PRKD2: variants seen among roughly 807,000 people sequenced by gnomAD.
The protein encoded by PRKD2 is serine/threonine-protein kinase D2.
Under a neutral mutation model 86.0 loss-of-function variants are expected in PRKD2, and 22 were observed. That is an observed-to-expected ratio of 0.26 (90% CI 0.18 to 0.37). The LOEUF (loss-of-function observed/expected upper bound fraction) is 0.37. Ranked by LOEUF, PRKD2 falls within the 10% of genes least tolerant of loss-of-function variation. The pLI is 1.00. For synonymous variants in PRKD2, 509 were observed against 510.9 expected, an observed-to-expected ratio of 1.00 and a Z score of 0.05; for missense variants, 818 against 1,199.2, an observed-to-expected ratio of 0.68 and a Z score of 4.70.
At chr19:46,681,110 C>T (rs572159989) in intron 15 of PRKD2, among the ~76,000 whole-genome samples, 82 of 150,202 alleles carry the variant, frequency 5.5e-4, no homozygotes, top group African/African-American at 2.0e-3. Flanking sequence ...CACACCACCA[C>T]GCCCCGCTAA....
In PRKD2 at chr19:46,717,105, G is replaced by C. The variant is rs1309177047; in HGVS notation, c.-735C>G. 1 of 153,844 alleles carries C rather than the reference G, an allele frequency of 6.5e-6. No homozygotes were observed. Among genetic ancestry groups the C allele is most frequent in the Non-Finnish European group, 1.4e-5 (1 of 69,110 alleles). 9.5% of individuals were successfully genotyped at this position (153,844 alleles called of 1,614,324 possible). A position where few individuals can be genotyped will look rare whatever the true frequency, so the allele number is the denominator to read the frequency against. On this transcript the variant is annotated 5_prime_UTR_variant, in exon 1 of 18. Transcript: ENST00000291281. Reference sequence around the variant, plus strand: ...GTCGGCGGCGGCGGCGGCGGCCCAGGAGGAAGTGTCCGGAGCGACAGTGCA... The same window carrying C: ...GTCGGCGGCGGCGGCGGCGGCCCAGCAGGAAGTGTCCGGAGCGACAGTGCA...
At chr19:46,705,507 C>G (rs1599837563) in intron 3 of PRKD2, among the ~76,000 whole-genome samples, 1 of 152,276 alleles carries the variant, frequency 6.6e-6, no homozygotes. Context: ...GTAGTGTGGG[C>G]CACGCATGGT....
intron 8 of PRKD2, 131 bp from the exon 9 acceptor site, chr19:46,697,365 C>A: frequency 3.0e-6 from 2 of 660,858 alleles, no homozygotes; most frequent in Admixed American, 5.8e-5. Flanking sequence ...CTACCCCACG[C>A]CGTAACCCCA....
intron 14 of PRKD2, among the ~76,000 whole-genome samples, 198 bp from the exon 15 acceptor site, chr19:46,681,946 T>C (rs1184807421): frequency 6.6e-6 from 1 of 150,940 alleles, no homozygotes; most frequent in Non-Finnish European, 1.5e-5. Context: ...GTTCAAGTGA[T>C]TCTCCTGCCT....
At chr19:46,683,704 T>C (rs6509291) in intron 14 of PRKD2, among the ~76,000 whole-genome samples, 109,720 of 151,834 alleles carry the variant, frequency 0.72, 40,130 homozygotes, top group African/African-American at 0.83. Flanking sequence ...GGCGACAGAG[T>C]GAGATGCCAT....
chr19:46,704,704 T>C, intron 3 of PRKD2, 55 bp from the exon 4 acceptor site: 1 of 1,537,216 alleles, frequency 6.5e-7, no homozygotes, highest in Non-Finnish European at 8.7e-7. Flanking sequence ...CTAGGTCTCT[T>C]CTTGAGAAGT....
In PRKD2 at chr19:46,695,891, T is replaced by G. The variant is rs368946612; in HGVS notation, c.1317+1266A>C. Among the ~76,000 whole-genome samples the G allele has an allele frequency of 7.3e-4, 111 of 152,110 alleles. 1 individual carries two copies. In the East Asian group the frequency reaches 0.016, roughly 22 times the overall value. On this transcript the variant is annotated intron_variant, in intron 9 of 17. Coordinates refer to ENST00000291281, the MANE Select transcript of PRKD2 (RefSeq NM_016457.5). ...TCTTGCTCTGTTGCCCAGGCAGGAG[T>G]GCAGTGACGCGATCTCAGCTCACTG...
chr19:46,678,321 C>T lies in PRKD2; in HGVS notation c.2338+75G>A, dbSNP rs1232498378. On this transcript the variant is annotated intron_variant, in intron 16 of 17. Coordinates refer to ENST00000291281, the MANE Select transcript of PRKD2 (RefSeq NM_016457.5). The surrounding 1 kb of genome is among the most constrained non-coding windows in gnomAD (Gnocchi z 5.7). The stretch of plus-strand genomic sequence containing the variant: ...CCAGGCTGTTTCCGGGTCCACCCCC[C>T]TCTCATGGCTCCGCCCACTTCTCCA... The T allele has an allele frequency of 2.6e-6, 4 of 1,551,386 alleles. No homozygotes were observed. Among genetic ancestry groups the T allele is most frequent in the Non-Finnish European group, 3.5e-6 (4 of 1,151,246 alleles).
intron 14 of PRKD2, among the ~76,000 whole-genome samples, chr19:46,685,114 C>A (rs572491227): frequency 3.4e-4 from 52 of 151,492 alleles, no homozygotes; most frequent in Non-Finnish European, 6.8e-4. Flanking sequence ...CAAAAATTAG[C>A]CCGGTGTACT....
intron 2 of PRKD2, among the ~76,000 whole-genome samples, chr19:46,713,354 A>G (rs554329015): frequency 1.3e-5 from 2 of 151,720 alleles, no homozygotes; most frequent in South Asian, 4.2e-4. Flanking sequence ...TTTAAGCATA[A>G]CACAGTCAGT....
chr19:46,713,909 C>T lies in PRKD2; in HGVS notation c.333G>A (p.Ser111=), dbSNP rs773098149. ...GGTCGCCCTCCTGGATGTCTCCGGA[C>T]GAGCGCACCAGCTGCAGGAGGTTGG... ...TSANLLQLVR[S]SGDIQEGDLV... The change falls in exon 2 of 18, where the codon TCG becomes TCA. Residue 111 remains serine (S), a synonymous_variant. Coordinates refer to ENST00000291281, the MANE Select transcript of PRKD2 (RefSeq NM_016457.5). The T allele has an allele frequency of 1.9e-6, 3 of 1,612,912 alleles. No homozygotes were observed. Among genetic ancestry groups the T allele is most frequent in the Non-Finnish European group, 2.5e-6 (3 of 1,179,636 alleles).
chr19:46,691,774 C>T lies in PRKD2; in HGVS notation c.1663G>A (p.Glu555Lys). ...CCAAACTGCCCTGAGCCCAGCACTT[C>T]GTCAGGGAAGATCTGGTAGACAGTG... ...IATVYQIFPD[E>K]VLGSGQFGVV... Residue 555 changes from glutamate to lysine, a missense_variant, in exon 12 of 18, where the codon GAA becomes AAA. Physicochemically the swap from Glu to Lys is moderately conservative, Grantham distance 56 (BLOSUM62 1). Around this residue, in one of 5 missense-constraint regions of PRKD2, gnomAD observed 154 missense variants for 359.6 expected, o/e 0.43. Transcript: ENST00000291281. 6.2e-7 allele frequency: 1 copy of T among 1,613,416 alleles called. No individual in the cohort carries two copies. Among genetic ancestry groups the T allele is most frequent in the Non-Finnish European group, 8.5e-7 (1 of 1,180,020 alleles).
intron 5 of PRKD2, among the ~76,000 whole-genome samples, chr19:46,703,957 CA>C (rs1389906950): frequency 2.6e-5 from 1 of 39,166 alleles, no homozygotes; most frequent in African/African-American, 1.4e-4. Context: ...AAAACAACAA[CA>C]ACACACACAC....
chr19:46,687,340 C>T (rs757138233), intron 14 of PRKD2, among the ~76,000 whole-genome samples: 5 of 152,004 alleles, frequency 3.3e-5, no homozygotes, highest in Non-Finnish European at 7.4e-5. Context: ...TGCAGTGAGC[C>T]ATGATTGTAC....
At chr19:46,710,866 AGCCCCGCCCCAG>A (rs756084346) in intron 3 of PRKD2, 29 bp downstream of exon 3, 37 of 1,517,660 alleles carry the variant, frequency 2.4e-5, no homozygotes, top group South Asian at 1.2e-4. Flanking sequence ...CCCGGTGCAG[AGCCCCGCCCCAG>A]GCCCCGCCCC....
intron 14 of PRKD2, among the ~76,000 whole-genome samples, chr19:46,685,181 C>G (rs571038045): frequency 6.6e-6 from 1 of 150,782 alleles, no homozygotes; most frequent in South Asian, 2.1e-4. Flanking sequence ...ATTGTTTGAA[C>G]CTGGGAGGCA....
At chr19:46,686,604 A>G (rs1352586447) in intron 14 of PRKD2, among the ~76,000 whole-genome samples, 1 of 151,840 alleles carries the variant, frequency 6.6e-6, no homozygotes, top group Non-Finnish European at 1.5e-5. Flanking sequence ...GTGAACTATG[A>G]TTACACCACT....
At chr19:46,711,100 C>T (rs2053802161) in intron 2 of PRKD2, 62 bp from the exon 3 acceptor site, 1 of 1,514,118 alleles carries the variant, frequency 6.6e-7, no homozygotes, top group African/African-American at 1.4e-5. Context: ...TTCCAGACCC[C>T]ACGTTCCCTG....
At chr19:46,710,686 T>G (rs1366240598) in intron 3 of PRKD2, 2 of 422,220 alleles carry the variant, frequency 4.7e-6, no homozygotes, top group Non-Finnish European at 8.4e-6. Flanking sequence ...CTCCACCTCC[T>G]AGGCTCCGCC....
Sources: gnomAD v4.1 joint callset for allele counts (sites outside exome capture counted in the v4.1 genomes callset) on GRCh38, gnomAD v4.1.1 for gene constraint, gnomAD v4.1.1 regional missense constraint, Gnocchi (gnomAD v3.1) non-coding constraint, MANE v1.5 for transcripts, NCBI Gene and HGNC (gene_info 2026-07-23, HGNC 2026-07-21) for gene names.